PPP6C: variants seen among roughly 807,000 people sequenced by gnomAD.
The protein encoded by PPP6C is protein phosphatase 6 catalytic subunit, also known as serine/threonine-protein phosphatase 6 catalytic subunit.
Under a neutral mutation model 39.8 loss-of-function variants are expected in PPP6C, and 11 were observed. The ratio of observed to expected loss-of-function variants is 0.28; its 90% CI spans 0.17 to 0.46. The LOEUF (loss-of-function observed/expected upper bound fraction) is 0.46. PPP6C is among the 20% of genes least tolerant of loss of function. The pLI is 1.00. For missense variants in PPP6C, 211 were observed against 373.9 expected (o/e 0.56, Z 3.59); for synonymous variants, 129 against 130.3 (o/e 0.99, Z 0.07).
chr9:125,170,851 C>T (rs1003296052), intron 2 of PPP6C, among the ~76,000 whole-genome samples: 34 of 152,174 alleles, frequency 2.2e-4, no homozygotes, highest in African/African-American at 7.7e-4. Flanking sequence ...ACTAATGCTG[C>T]ATTATTCACT....
chr9:125,185,513 G>A (rs1028125118), intron 1 of PPP6C, among the ~76,000 whole-genome samples: 16 of 151,788 alleles, frequency 1.1e-4, no homozygotes, highest in Non-Finnish European at 8.8e-5. Context: ...GGCCAACATG[G>A]TGAAACCCCA....
At chr9:125,151,142 T>C (rs1252600022) in intron 6 of PPP6C, 4 of 1,404,744 alleles carry the variant, frequency 2.8e-6, no homozygotes, top group Non-Finnish European at 4.0e-6. Context: ...AACTGCACTA[T>C]TGTTTCATCT....
intron 3 of PPP6C, among the ~76,000 whole-genome samples, chr9:125,159,696 C>A (rs144723314): frequency 8.3e-4 from 127 of 152,248 alleles, no homozygotes; most frequent in Non-Finnish European, 1.4e-3. Flanking sequence ...GCCAATATTA[C>A]ACCAATAGGA....
chr9:125,169,307 C>T (rs1034408687), intron 2 of PPP6C, among the ~76,000 whole-genome samples: 3 of 152,162 alleles, frequency 2.0e-5, no homozygotes, highest in Admixed American at 2.0e-4. Context: ...ACTTTGTTAA[C>T]CTCAAAACAC....
Position 125,160,836 on chromosome 9 carries a change from C to T in PPP6C, c.237+5G>A. The T allele has an allele frequency of 6.4e-7, 1 of 1,564,990 alleles. No homozygotes were observed. The highest frequency in any genetic ancestry group is 8.7e-7 in the Non-Finnish European group (1 of 1,153,832). On this transcript the variant is annotated splice_donor_5th_base_variant and intron_variant, in intron 3 of 6. Transcript: ENST00000373547. ...AAGCACTTGATATCACTGGTGTTTA[C>T]ATACCATAAATATGTAGTTTGTGTC... is the stretch of plus-strand genomic sequence containing the variant.
chr9:125,167,242 G>A (rs1329021483), intron 2 of PPP6C, among the ~76,000 whole-genome samples: 3 of 151,750 alleles, frequency 2.0e-5, no homozygotes, highest in East Asian at 1.9e-4. Flanking sequence ...TCAGCCAGGC[G>A]TGGTGGTGCG....
Position 125,148,266 on chromosome 9 carries a change from G to T in PPP6C, c.*1407C>A, listed in dbSNP as rs1351107774. 1 of 152,270 alleles carries T rather than the reference G, an allele frequency of 6.6e-6. No individual in the cohort carries two copies. The highest frequency in any genetic ancestry group is 1.5e-5 in the Non-Finnish European group (1 of 68,068). The allele number at this position is 152,270 out of a possible 1,614,324, so 9.4% of individuals were successfully genotyped here. A position where few individuals can be genotyped will look rare whatever the true frequency, so the allele number is the denominator to read the frequency against. ...AGATGCTAAAGTGCTTTATTAATTG[G>T]CTGGCTTCACAAGTATTTCCTGGAA... On this transcript the variant is annotated 3_prime_UTR_variant, in exon 7 of 7. Coordinates refer to ENST00000373547, the MANE Select transcript of PPP6C (RefSeq NM_002721.5).
At chr9:125,150,035 A>G in intron 6 of PPP6C, 114 bp from the exon 7 acceptor site, 1 of 1,331,424 alleles carries the variant, frequency 7.5e-7, no homozygotes, top group Non-Finnish European at 1.0e-6. Flanking sequence ...AGATTATAGA[A>G]CGCACTCTAT....
At chr9:125,150,887 T>A (rs932439918) in intron 6 of PPP6C, 2 of 854,916 alleles carry the variant, frequency 2.3e-6, no homozygotes, top group Non-Finnish European at 4.1e-6. Flanking sequence ...GCAAGACTGC[T>A]TCAGCGAGCC....
rs188607166 is a variant in PPP6C, at chr9:125,189,530, G to A, written c.75+114C>T. ...GTAGGACCGGGTCGACTGGCAATGG[G>A]GGAGGCCCTCCACCGCGACTGGACT... On this transcript the variant is annotated intron_variant, in intron 1 of 6. Coordinates refer to ENST00000373547, the MANE Select transcript of PPP6C (RefSeq NM_002721.5). 2,919 of 1,529,990 alleles carry A rather than the reference G, an allele frequency of 1.9e-3. 6 individuals are homozygous for A. Among genetic ancestry groups the A allele is most frequent in the Non-Finnish European group, 2.4e-3 (2,725 of 1,141,040 alleles). The allele number at this position is 1,529,990 out of a possible 1,614,324, so 94.8% of individuals were successfully genotyped here. A position where few individuals can be genotyped will look rare whatever the true frequency, so the allele number is the denominator to read the frequency against.
In PPP6C at chr9:125,147,370, CTA is replaced by C. The variant is rs1835835303; in HGVS notation, c.*2301_*2302del. 3.3e-5 allele frequency: 5 copies of C among 152,178 alleles called. No homozygotes were observed. Among genetic ancestry groups the C allele is most frequent in the African/African-American group, 1.2e-4 (5 of 41,446 alleles). 9.4% of individuals were successfully genotyped at this position (152,178 alleles called of 1,614,324 possible). A position where few individuals can be genotyped will look rare whatever the true frequency, so the allele number is the denominator to read the frequency against. ...GTAACAAATCCTCCTGCCCATAAAT[CTA>C]TGACTTGCAAGTATCTTCCACCACA... On this transcript the variant is annotated 3_prime_UTR_variant, in exon 7 of 7. Transcript: ENST00000373547.
chr9:125,171,460 T>C (rs867129306), intron 1 of PPP6C, among the ~76,000 whole-genome samples: 103 of 95,642 alleles, frequency 1.1e-3, no homozygotes, highest in South Asian at 3.3e-3. Flanking sequence ...CACACACATA[T>C]ACACACACAC....
At chr9:125,150,069 GT>G in intron 6 of PPP6C, 148 bp from the exon 7 acceptor site, 1 of 1,153,440 alleles carries the variant, frequency 8.7e-7, no homozygotes, top group Non-Finnish European at 1.2e-6. Flanking sequence ...AATTTAATAA[GT>G]TTAGGCAAAC....
intron 1 of PPP6C, among the ~76,000 whole-genome samples, chr9:125,176,611 T>G (rs1205939814): frequency 6.6e-6 from 1 of 152,140 alleles, no homozygotes; most frequent in Non-Finnish European, 1.5e-5. Flanking sequence ...GAGGTGAGAC[T>G]GTGCCACTGC....
chr9:125,179,707 G>A (rs1002370134), intron 1 of PPP6C, among the ~76,000 whole-genome samples: 2 of 148,788 alleles, frequency 1.3e-5, no homozygotes, highest in South Asian at 2.1e-4. Flanking sequence ...TCAGGCTGGA[G>A]TGCAATGGCG....
chr9:125,164,761 C>T (rs952645116), intron 2 of PPP6C, among the ~76,000 whole-genome samples: 8 of 151,860 alleles, frequency 5.3e-5, no homozygotes, highest in Admixed American at 2.6e-4. Flanking sequence ...TTTTTTGAGA[C>T]GGAGTCTCGC....
chr9:125,157,962 T>C (rs576960916), intron 4 of PPP6C, among the ~76,000 whole-genome samples: 10 of 152,254 alleles, frequency 6.6e-5, no homozygotes, highest in African/African-American at 2.4e-4. Context: ...GTGCTGAGAT[T>C]ACAGGTGTGA....
Position 125,148,029 on chromosome 9 carries a change from A to G in PPP6C, c.*1644T>C, listed in dbSNP as rs896145823. 2 of 186,340 alleles carry G rather than the reference A, an allele frequency of 1.1e-5. No homozygotes were observed. The highest frequency in any genetic ancestry group is 2.3e-5 in the Non-Finnish European group (2 of 88,750). 11.5% of individuals were successfully genotyped at this position (186,340 alleles called of 1,614,324 possible). On this transcript the variant is annotated 3_prime_UTR_variant, in exon 7 of 7. Coordinates refer to ENST00000373547, the MANE Select transcript of PPP6C (RefSeq NM_002721.5). Reference sequence around the variant, plus strand: ...CAAATGTCTTAGCCACCTCTTTCATATAGCTATATAATTAAAAACTATGTA... The same window carrying G: ...CAAATGTCTTAGCCACCTCTTTCATGTAGCTATATAATTAAAAACTATGTA...
chr9:125,188,989 T>A, intron 1 of PPP6C: 1 of 1,458,332 alleles, frequency 6.9e-7, no homozygotes, highest in Non-Finnish European at 9.4e-7. Context: ...TTGTATTTAT[T>A]GAGAACCAAC....
Sources: allele counts gnomAD v4.1 joint callset (sites outside exome capture counted in the v4.1 genomes callset), GRCh38; gene constraint gnomAD v4.1.1; transcripts MANE v1.5; gene names NCBI Gene and HGNC (gene_info 2026-07-23, HGNC 2026-07-21).